The following PHACTR2 variants were observed in gnomAD, a reference collection of about 807,000 sequenced individuals.
The protein encoded by PHACTR2 is chromosome 6 open reading frame 56.
A neutral mutation model predicts 76.0 loss-of-function variants in PHACTR2; 30 were observed. The ratio of observed to expected loss-of-function variants is 0.39; its 90% confidence interval spans 0.30 to 0.54. The LOEUF is 0.54. Among genes scored for constraint, PHACTR2 ranks in the 20% least tolerant of loss-of-function variants. The pLI is 0.61. For missense variants in PHACTR2, 696 were observed against 781.1 expected, an observed-to-expected ratio of 0.89 and a Z score of 1.30; for synonymous variants, 292 against 292.5, an observed-to-expected ratio of 1.00 and a Z score of 0.02.
Position 143,772,525 on chromosome 6 carries a change from A to G in PHACTR2, c.1432+68A>G. ...GCAGAAGCAGCTGCAGTTTATAAAG[A>G]ATAAAAGCCTCATTAGGAACCAGAC... On this transcript the variant is annotated intron_variant, in intron 7 of 12. Transcript: ENST00000440869. The surrounding 1 kb of genome is among the most constrained non-coding windows in gnomAD (Gnocchi z 5.4). 1.8e-6 allele frequency: 2 copies of G among 1,128,610 alleles called. No individual in the cohort carries two copies. The highest frequency in any genetic ancestry group is 2.6e-6 in the Non-Finnish European group (2 of 764,102). 69.9% of individuals were successfully genotyped at this position (1,128,610 alleles called of 1,614,324 possible).
Position 143,816,047 on chromosome 6 carries a change from A to G in PHACTR2, c.1923-7627A>G, listed in dbSNP as rs535541068. The stretch of plus-strand genomic sequence containing the variant: ...TTCCCTCCCTCTCAACAGTATGAAA[A>G]TAAGAAAAAATGTATTGCAGTTTTA... On this transcript the variant is annotated intron_variant, in intron 12 of 12. Transcript: ENST00000440869. This position sits in a 1 kb window ranked among gnomAD's most constrained non-coding sequence, Gnocchi z 4.5. Among the ~76,000 whole-genome samples the G allele has an allele frequency of 6.6e-6, 1 of 152,318 alleles. No individual in the cohort carries two copies. The highest frequency in any genetic ancestry group is 1.5e-5 in the Non-Finnish European group (1 of 68,040).
chr6:143,756,543 A>G (rs1779301670), intron 4 of PHACTR2, among the ~76,000 whole-genome samples: 1 of 151,758 alleles, frequency 6.6e-6, no homozygotes, highest in Admixed American at 6.6e-5. Context: ...AAAATACAAA[A>G]AAAAAATTAG....
Position 143,722,953 on chromosome 6 carries a change from T to C in PHACTR2, c.214+10770T>C, listed in dbSNP as rs1778476923. On this transcript the variant is annotated intron_variant, in intron 2 of 12. Transcript: ENST00000440869. This position sits in a 1 kb window ranked among gnomAD's most constrained non-coding sequence, Gnocchi z 4.1. ...ACAGAATTTTATTCTTTTTTATGGC[T>C]GAATAGTATTCCATTATGGTGGAAT... is the stretch of plus-strand genomic sequence containing the variant. 6.6e-6 allele frequency among the ~76,000 whole-genome samples: 1 copy of C among 152,242 alleles called. No individual in the cohort carries two copies. Among genetic ancestry groups the C allele is most frequent in the African/African-American group, 2.4e-5 (1 of 41,456 alleles).
intron 1 of PHACTR2, among the ~76,000 whole-genome samples, chr6:143,637,505 A>G (rs1038089112): frequency 1.3e-5 from 2 of 152,228 alleles, no homozygotes; most frequent in African/African-American, 4.8e-5. Flanking sequence ...TCTATGTTGC[A>G]TAACAAATTA....
At chr6:143,769,946 G>C (rs1178208999) in intron 6 of PHACTR2, among the ~76,000 whole-genome samples, 1 of 152,082 alleles carries the variant, frequency 6.6e-6, no homozygotes, top group Non-Finnish European at 1.5e-5. Flanking sequence ...ACAGTATGGT[G>C]GTTCTTCAAA....
At chr6:143,724,039 T>C (rs891682588) in intron 2 of PHACTR2, among the ~76,000 whole-genome samples, 1 of 151,972 alleles carries the variant, frequency 6.6e-6, no homozygotes, top group African/African-American at 2.4e-5. Flanking sequence ...CTCAGCTCAC[T>C]GCAGCCTCTG....
chr6:143,582,231 GC>G (rs1170281296), intron 1 of PHACTR2, among the ~76,000 whole-genome samples: 1 of 152,160 alleles, frequency 6.6e-6, no homozygotes, highest in African/African-American at 2.4e-5. Flanking sequence ...TAGAATCTCA[GC>G]CCAGGTTTCC....
rs540361355 is a variant in PHACTR2, at chr6:143,589,962, A to T, written c.217+52755A>T. 2.0e-5 allele frequency among the ~76,000 whole-genome samples: 3 copies of T among 152,330 alleles called. No homozygotes were observed. The highest frequency in any genetic ancestry group is 7.2e-5 in the African/African-American group (3 of 41,576). On this transcript the variant is annotated intron_variant, in intron 1 of 11. Transcript: ENST00000367584. The surrounding 1 kb of genome is among the most constrained non-coding windows in gnomAD (Gnocchi z 4.4). ...TCCTAAACAAAACGTAACCTAACCC[A>T]GCAATGTGTCTAAAAATATAATGAT...
intron 1 of PHACTR2, among the ~76,000 whole-genome samples, chr6:143,540,379 T>C (rs1313852391): frequency 6.6e-6 from 1 of 152,254 alleles, no homozygotes; most frequent in East Asian, 1.9e-4. Flanking sequence ...CCTTGCTACC[T>C]GCAATCATTA....
At position 143,556,118 on chromosome 6, in the gene PHACTR2, G is replaced by A. The variant is rs1014861371; in HGVS notation, c.217+18911G>A. ...GAAGGGACAGTGAAAACTCATGATG[G>A]TTAAGAAATTAACAAAGGAGCATGC... On this transcript the variant is annotated intron_variant, in intron 1 of 11. Coordinates refer to the PHACTR2 transcript ENST00000367584. The surrounding 1 kb of genome is among the most constrained non-coding windows in gnomAD (Gnocchi z 4.3). Among the ~76,000 whole-genome samples the A allele has an allele frequency of 2.0e-5, 3 of 152,276 alleles. No homozygotes were observed. The highest frequency in any genetic ancestry group is 4.4e-5 in the Non-Finnish European group (3 of 68,032).
chr6:143,675,309 G>A (rs1353412531), upstream of PHACTR2, among the ~76,000 whole-genome samples: 1 of 152,180 alleles, frequency 6.6e-6, no homozygotes, highest in African/African-American at 2.4e-5. This position sits in a 1 kb window ranked among gnomAD's most constrained non-coding sequence, Gnocchi z 4.9. Flanking sequence ...CTAAATAGAA[G>A]CTATTCCTCA....
chr6:143,560,882 GGT>G (rs36070460), intron 1 of PHACTR2, among the ~76,000 whole-genome samples: 26,186 of 132,762 alleles, frequency 0.2, 2,769 homozygotes, highest in East Asian at 0.43. Flanking sequence ...AAAGCAGAGG[GGT>G]GTGTGTGTGT....
chr6:143,641,569 T>C lies in PHACTR2; in HGVS notation c.13+33247T>C, dbSNP rs1776562033. 6.6e-6 allele frequency among the ~76,000 whole-genome samples: 1 copy of C among 152,166 alleles called. No homozygotes were observed. The highest frequency in any genetic ancestry group is 1.5e-5 in the Non-Finnish European group (1 of 68,024). ...TTACCCAGGCTGGAGTACAATGGCA[T>C]GATCTCGGCTAACCACAACCTCCGC... On this transcript the variant is annotated intron_variant, in intron 1 of 11. Coordinates refer to the PHACTR2 transcript ENST00000305766. This position sits in a 1 kb window ranked among gnomAD's most constrained non-coding sequence, Gnocchi z 5.8.
intron 1 of PHACTR2, among the ~76,000 whole-genome samples, chr6:143,626,912 C>A (rs1312418212): frequency 6.6e-6 from 1 of 152,178 alleles, no homozygotes; most frequent in Admixed American, 6.5e-5. Context: ...TTACTCAAAA[C>A]AAGTTTGGAA....
chr6:143,776,010 A>G lies in PHACTR2; in HGVS notation c.1590-1318A>G, dbSNP rs1775265025. ...GCCAGCTATGATGACTGGCACCTGTAATCCCAGCTACTCAGGAGGCTGAGG... is the reference window on the plus strand; with the variant it reads ...GCCAGCTATGATGACTGGCACCTGTGATCCCAGCTACTCAGGAGGCTGAGG... On this transcript the variant is annotated intron_variant, in intron 8 of 12. Transcript: ENST00000440869. This position sits in a 1 kb window ranked among gnomAD's most constrained non-coding sequence, Gnocchi z 5.3. Among the ~76,000 whole-genome samples, 1 of 152,164 alleles carries G rather than the reference A, an allele frequency of 6.6e-6. No homozygotes were observed.
rs1263558289 is a variant in PHACTR2 at position 143,823,414 on chromosome 6, A to G, written c.1923-260A>G. Among the ~76,000 whole-genome samples the G allele has an allele frequency of 6.6e-6, 1 of 152,232 alleles. No individual in the cohort carries two copies. The highest frequency in any genetic ancestry group is 1.5e-5 in the Non-Finnish European group (1 of 68,042). ...CTGTCTTGGTTGCTGTGTAACTTGA[A>G]TACTATAACCAGCATCTTTTATATA... On this transcript the variant is annotated intron_variant, in intron 12 of 12. Coordinates refer to ENST00000440869, the MANE Select transcript of PHACTR2 (RefSeq NM_001100164.2). This position sits in a 1 kb window ranked among gnomAD's most constrained non-coding sequence, Gnocchi z 5.7.
chr6:143,766,684 G>A (rs1779570194), intron 6 of PHACTR2, among the ~76,000 whole-genome samples: 1 of 152,174 alleles, frequency 6.6e-6, no homozygotes, highest in Non-Finnish European at 1.5e-5. Flanking sequence ...CAGTTGGTGG[G>A]TTAGTTGCTT....
intron 1 of PHACTR2, among the ~76,000 whole-genome samples, chr6:143,540,731 A>C (rs1183112303): frequency 6.6e-6 from 1 of 152,040 alleles, no homozygotes; most frequent in Non-Finnish European, 1.5e-5. Context: ...CCAGTTTTAT[A>C]TTTCAAAATC....
In PHACTR2 at chr6:143,696,979, T is replaced by TA. The variant is rs1354013242; in HGVS notation, c.47-15036dup. ...AATGATTCCTCGTCATTGAACATGT[T>TA]ACATTGTAGAGTCAGATGTTTGCCA... On this transcript the variant is annotated intron_variant, in intron 1 of 12. Coordinates refer to ENST00000440869, the MANE Select transcript of PHACTR2 (RefSeq NM_001100164.2). This position sits in a 1 kb window ranked among gnomAD's most constrained non-coding sequence, Gnocchi z 4.1. 6.6e-6 allele frequency among the ~76,000 whole-genome samples: 1 copy of TA among 152,176 alleles called. No individual in the cohort carries two copies. Among genetic ancestry groups the TA allele is most frequent in the Admixed American group, 6.5e-5 (1 of 15,280 alleles).
Sources: allele counts gnomAD v4.1 joint callset (sites outside exome capture counted in the v4.1 genomes callset), GRCh38; gene constraint gnomAD v4.1.1; non-coding constraint Gnocchi (gnomAD v3.1); transcripts MANE v1.5; gene names NCBI Gene and HGNC (gene_info 2026-07-23, HGNC 2026-07-21).